Variants in SLC8A1 observed in about 807,000 individuals in gnomAD.
SLC8A1 encodes the protein solute carrier family 8 member A1.
Under a neutral mutation model 68.3 loss-of-function variants are expected in SLC8A1, and 18 were observed. The ratio of observed to expected loss-of-function variants is 0.26; its 90% confidence interval spans 0.18 to 0.39. SLC8A1 has a LOEUF of 0.39. Among genes scored for constraint, SLC8A1 ranks in the 10% least tolerant of loss-of-function variants. SLC8A1 has a pLI of 1.00. For synonymous variants in SLC8A1, 475 were observed against 415.5 expected (o/e 1.14, Z -1.74); for missense variants, 985 against 1,156.7 (o/e 0.85, Z 2.15).
At chr2:40,426,607 A>G (rs559298044) in intron 2 of SLC8A1, among the ~76,000 whole-genome samples, 1 of 152,084 alleles carries the variant, frequency 6.6e-6, no homozygotes, top group Non-Finnish European at 1.5e-5. Flanking sequence ...ACTGCTTTTC[A>G]GATAAACCAG....
chr2:40,406,162 C>T lies in SLC8A1; in HGVS notation c.1808+22311G>A, dbSNP rs145380743. On this transcript the variant is annotated intron_variant, in intron 2 of 7. Transcript: ENST00000406785. ...CAAATGCACATGGACACAGGCTCCG[C>T]GTTTTAAATTCCGCATTTTCTCAAA... Among the ~76,000 whole-genome samples, 579 of 152,234 alleles carry T rather than the reference C, an allele frequency of 3.8e-3. 18 individuals carry two copies. The highest frequency in any genetic ancestry group is 8.8e-4 in the Non-Finnish European group (60 of 68,012).
At chr2:40,164,400 C>G (rs2046205701) in intron 5 of SLC8A1, among the ~76,000 whole-genome samples, 1 of 152,198 alleles carries the variant, frequency 6.6e-6, no homozygotes, top group African/African-American at 2.4e-5. Context: ...GAGAGCTTGT[C>G]AATGGGATGT....
At chr2:40,222,869 C>G (rs1396023761) in intron 2 of SLC8A1, among the ~76,000 whole-genome samples, 1 of 152,098 alleles carries the variant, frequency 6.6e-6, no homozygotes, top group African/African-American at 2.4e-5. Context: ...CAGGGAACAA[C>G]AGATGCTAGA....
At chr2:40,301,810 A>G (rs920550701) in intron 2 of SLC8A1, among the ~76,000 whole-genome samples, 1 of 152,156 alleles carries the variant, frequency 6.6e-6, no homozygotes, top group African/African-American at 2.4e-5. Flanking sequence ...TAAGTTCTTT[A>G]GTGGTGATTT....
intron 2 of SLC8A1, among the ~76,000 whole-genome samples, chr2:40,384,476 A>G (rs1443216111): frequency 6.6e-6 from 1 of 152,062 alleles, no homozygotes; most frequent in Non-Finnish European, 1.5e-5. Flanking sequence ...ATTATCTTTG[A>G]AAGAAGGTAC....
At chr2:40,279,885 T>A (rs1414064073) in intron 2 of SLC8A1, among the ~76,000 whole-genome samples, 1 of 152,228 alleles carries the variant, frequency 6.6e-6, no homozygotes, top group African/African-American at 2.4e-5. Context: ...AGTCTTCAGC[T>A]CTCCTACATT....
At chr2:40,370,105 A>G (rs1437731739) in intron 2 of SLC8A1, among the ~76,000 whole-genome samples, 1 of 152,112 alleles carries the variant, frequency 6.6e-6, no homozygotes, top group African/African-American at 2.4e-5. Context: ...TGTAAATTCT[A>G]GATGATCTAG....
chr2:40,344,899 C>T (rs969207659), intron 2 of SLC8A1, among the ~76,000 whole-genome samples: 1 of 152,104 alleles, frequency 6.6e-6, no homozygotes, highest in Admixed American at 6.6e-5. Context: ...ACTTCCCCAC[C>T]CAATCTCTCT....
At chr2:40,289,034 T>A (rs1054699861) in intron 2 of SLC8A1, among the ~76,000 whole-genome samples, 3 of 151,744 alleles carry the variant, frequency 2.0e-5, no homozygotes, top group African/African-American at 7.3e-5. Context: ...GACAATATTA[T>A]CCTATGTTCT....
intron 2 of SLC8A1, among the ~76,000 whole-genome samples, chr2:40,332,905 C>T (rs2076561965): frequency 6.6e-6 from 1 of 152,194 alleles, no homozygotes; most frequent in South Asian, 2.1e-4. Flanking sequence ...TTAAAAGATG[C>T]CCTCTGGACC....
At chr2:40,447,187 T>G (rs1336409976) in intron 1 of SLC8A1, among the ~76,000 whole-genome samples, 1 of 152,216 alleles carries the variant, frequency 6.6e-6, no homozygotes, top group Non-Finnish European at 1.5e-5. Flanking sequence ...TAGCATTTTC[T>G]AGGTTACGGG....
chr2:40,440,257 T>C lies in SLC8A1; in HGVS notation c.-24-9953A>G, dbSNP rs371691218. Among the ~76,000 whole-genome samples, 10 of 152,184 alleles carry C rather than the reference T, an allele frequency of 6.6e-5. No individual in the cohort carries two copies. The East Asian group carries it at 7.7e-4, about 12-fold the overall frequency. On this transcript the variant is annotated intron_variant, in intron 1 of 7. Coordinates refer to ENST00000406785, the Ensembl canonical transcript of SLC8A1. The stretch of plus-strand genomic sequence containing the variant: ...TAACTATGCTGACACTGCTAGATTA[T>C]TGTCTTTTGGTGACAGATGAGGATT...
intron 2 of SLC8A1, among the ~76,000 whole-genome samples, chr2:40,411,355 A>G (rs901169349): frequency 6.6e-6 from 1 of 152,086 alleles, no homozygotes; most frequent in African/African-American, 2.4e-5. Context: ...TTTTCTAACA[A>G]CCAGTCTCAT....
At chr2:40,433,371 T>A (rs1698752080) in intron 1 of SLC8A1, among the ~76,000 whole-genome samples, 1 of 152,230 alleles carries the variant, frequency 6.6e-6, no homozygotes, top group Admixed American at 6.5e-5. Context: ...TTTTCCTTCT[T>A]AGAAGCAAGT....
chr2:40,244,587 A>G (rs1335296553), intron 2 of SLC8A1, among the ~76,000 whole-genome samples: 1 of 130,004 alleles, frequency 7.7e-6, no homozygotes, highest in Non-Finnish European at 1.7e-5. Context: ...AAAAAAAAAA[A>G]TGCACCAAAC....
intron 2 of SLC8A1, among the ~76,000 whole-genome samples, chr2:40,284,139 C>G (rs1171235383): frequency 6.6e-6 from 1 of 151,802 alleles, no homozygotes; most frequent in Non-Finnish European, 1.5e-5. Context: ...CCATTTTCTC[C>G]AAAAGTGTGC....
At chr2:40,252,550 A>G (rs931054629) in intron 2 of SLC8A1, among the ~76,000 whole-genome samples, 3 of 151,844 alleles carry the variant, frequency 2.0e-5, no homozygotes, top group African/African-American at 7.3e-5. Context: ...GCCAGGAGGG[A>G]CTCAAACTCC....
chr2:40,456,573 G>C (rs2193558), upstream of SLC8A1, among the ~76,000 whole-genome samples: 633 of 152,232 alleles, frequency 4.2e-3, 4 homozygotes, highest in African/African-American at 0.015. Context: ...GTGTGACCTT[G>C]GGGAAGCTTT....
upstream of SLC8A1, among the ~76,000 whole-genome samples, chr2:40,454,833 G>T (rs1032041839): frequency 1.3e-5 from 2 of 152,140 alleles, no homozygotes; most frequent in African/African-American, 4.8e-5. Context: ...ATTATCAAAG[G>T]CTGCATCACA....
Sources: gnomAD v4.1 joint callset for allele counts (sites outside exome capture counted in the v4.1 genomes callset) on GRCh38, gnomAD v4.1.1 for gene constraint, MANE v1.5 for transcripts, NCBI Gene and HGNC (gene_info 2026-07-23, HGNC 2026-07-21) for gene names.